THUMPD2: variants seen among roughly 807,000 people sequenced by gnomAD.
THUMPD2 encodes THUMP domain 2 tRNA and snRNA guanosine methyltransferase.
Under a neutral mutation model 49.4 loss-of-function variants are expected in THUMPD2, and 56 were observed. The observed-to-expected ratio is 1.13, with a 90% CI of 0.91 to 1.41. THUMPD2 has a LOEUF of 1.41. THUMPD2 is among the 40% of genes most tolerant of loss of function. The pLI, the probability that THUMPD2 is intolerant of heterozygous loss-of-function variation, is 0.00. For missense variants in THUMPD2, 709 were observed against 594.5 expected (o/e 1.19, Z -2.00); for synonymous variants, 237 against 205.2 (o/e 1.15, Z -1.32).
In THUMPD2 at chr2:39,768,443, A is replaced by T; in HGVS notation, c.731T>A (p.Leu244Ter). The T allele has an allele frequency of 2.5e-6, 4 of 1,612,788 alleles. No individual in the cohort carries two copies. The highest frequency in any genetic ancestry group is 3.4e-6 in the Non-Finnish European group (4 of 1,179,458). ...CATTACCTCTAATTGTGGATTCCTCAAGTCTGCTTTCCATCCAAAGTGTTT... is the reference window on the plus strand; with the variant it reads ...CATTACCTCTAATTGTGGATTCCTCTAGTCTGCTTTCCATCCAAAGTGTTT... ...IMKHFGWKAD[L>*]RNPQLEIFIH... is the part of the protein sequence containing the mutation. The change falls in exon 4 of 10, where the codon TTG (leucine) becomes TAG (stop). Residue 244 changes from leucine (L) to a stop codon, truncating the protein, a stop_gained. Coordinates refer to ENST00000505747, the MANE Select transcript of THUMPD2 (RefSeq NM_025264.5). LOFTEE classifies it high-confidence loss of function.
rs560571663 is a variant in THUMPD2 at position 39,736,469 on chromosome 2, C to T, written c.*266G>A. On this transcript the variant is annotated 3_prime_UTR_variant, in exon 10 of 10. Coordinates refer to ENST00000505747, the MANE Select transcript of THUMPD2 (RefSeq NM_025264.5). ...TGAAATTGAAGTTTTTGCTCAGAAA[C>T]TGGGCAGAACTTTTCACATTCTGAC... 5 of 308,856 alleles carry T rather than the reference C, an allele frequency of 1.6e-5. No homozygotes were observed. The highest frequency in any genetic ancestry group is 5.9e-6 in the Non-Finnish European group (1 of 169,398). The allele number at this position is 308,856 out of a possible 1,614,324, so 19.1% of individuals were successfully genotyped here. A position where few individuals can be genotyped will look rare whatever the true frequency, so the allele number is the denominator to read the frequency against.
chr2:39,766,360 A>G (rs1350841495), intron 4 of THUMPD2: 1 of 296,270 alleles, frequency 3.4e-6, no homozygotes, highest in Non-Finnish European at 6.2e-6. Context: ...TGTTACAAAG[A>G]ACTCAAAACC....
At position 39,759,841 on chromosome 2, in the gene THUMPD2, T is replaced by C. The variant is rs6742072; in HGVS notation, c.891+1490A>G. On this transcript the variant is annotated intron_variant, in intron 6 of 9. Coordinates refer to ENST00000505747, the MANE Select transcript of THUMPD2 (RefSeq NM_025264.5). ...GATACCCAGGATAACAGGAAGAAAT[T>C]TGAAGATACAAAGAATTCAGACAGT... 4.3e-3 allele frequency among the ~76,000 whole-genome samples: 653 copies of C among 152,234 alleles called. 5 individuals carry two copies. The highest frequency in any genetic ancestry group is 0.014 in the African/African-American group (599 of 41,542).
rs771851581 is a variant in THUMPD2, at chr2:39,736,751, T to A, written c.1496A>T (p.His499Leu). 1.1e-5 allele frequency: 18 copies of A among 1,613,614 alleles called. No homozygotes were observed. In the African/African-American group the frequency reaches 1.7e-4, roughly 16 times the overall value. The change falls in exon 10 of 10, where the codon CAC becomes CTC. Residue 499 changes from histidine to leucine, a missense_variant. His to Leu is a moderately conservative substitution (Grantham distance 99). Coordinates refer to ENST00000505747, the MANE Select transcript of THUMPD2 (RefSeq NM_025264.5). ...GCAAGCCTGCTACAGTCCAGAAGAG[T>A]GCGACTTCTTATATTTACATATGAA... is the stretch of plus-strand genomic sequence containing the variant. ...DAFICKYKKSHSSGL is the reference protein window; with the variant it reads ...DAFICKYKKSLSSGL
intron 1 of THUMPD2, among the ~76,000 whole-genome samples, chr2:39,772,953 G>C (rs957032123): frequency 6.6e-6 from 1 of 152,152 alleles, no homozygotes; most frequent in Admixed American, 6.5e-5. Flanking sequence ...GGAAGTGCTA[G>C]ATTGGCACAG....
intron 9 of THUMPD2, among the ~76,000 whole-genome samples, chr2:39,738,642 C>T (rs202182727): frequency 3.4e-5 from 5 of 146,536 alleles, no homozygotes; most frequent in African/African-American, 5.0e-5. Flanking sequence ...CATATAAATA[C>T]ATAATTTATA....
chr2:39,753,223 T>G (rs1336648287), intron 8 of THUMPD2, among the ~76,000 whole-genome samples: 1 of 152,102 alleles, frequency 6.6e-6, no homozygotes, highest in African/African-American at 2.4e-5. Context: ...TCAAGTTACC[T>G]CCTCCCATTC....
At chr2:39,738,609 ATAT>A (rs2148151180) in intron 9 of THUMPD2, among the ~76,000 whole-genome samples, 1 of 138,052 alleles carries the variant, frequency 7.2e-6, no homozygotes, top group South Asian at 2.2e-4. Flanking sequence ...AAAAATATAT[ATAT>A]AATATATATT....
chr2:39,766,765 C>T (rs542515041), intron 4 of THUMPD2, among the ~76,000 whole-genome samples: 2 of 152,222 alleles, frequency 1.3e-5, no homozygotes, highest in African/African-American at 4.8e-5. Context: ...CCCTGATACT[C>T]GCACCCCAAG....
chr2:39,773,997 G>A (rs557266330), intron 1 of THUMPD2, among the ~76,000 whole-genome samples: 2 of 152,356 alleles, frequency 1.3e-5, no homozygotes, highest in Admixed American at 6.5e-5. Context: ...CTGTCTGGGT[G>A]AACCATGTCT....
intron 4 of THUMPD2, among the ~76,000 whole-genome samples, chr2:39,767,345 C>T (rs535712759): frequency 6.6e-6 from 1 of 152,014 alleles, no homozygotes; most frequent in Admixed American, 6.6e-5. Context: ...TGGCTCACGC[C>T]TGTAATCCCA....
intron 9 of THUMPD2, among the ~76,000 whole-genome samples, chr2:39,737,909 G>A (rs952933728): frequency 1.3e-5 from 2 of 152,140 alleles, no homozygotes; most frequent in African/African-American, 2.4e-5. Context: ...CACAGCGGGT[G>A]GGAAGTGGAG....
intron 5 of THUMPD2, among the ~76,000 whole-genome samples, chr2:39,763,119 T>C (rs1379786915): frequency 6.6e-6 from 1 of 151,976 alleles, no homozygotes; most frequent in Admixed American, 6.6e-5. Context: ...CTAGCTAATG[T>C]ACACGGTTCA....
chr2:39,769,633 T>G, intron 3 of THUMPD2, 77 bp downstream of exon 3: 1 of 1,381,220 alleles, frequency 7.2e-7, no homozygotes, highest in Non-Finnish European at 9.5e-7. Flanking sequence ...ACCTGGGAGG[T>G]GGAGGTTGCA....
intron 8 of THUMPD2, among the ~76,000 whole-genome samples, chr2:39,750,318 G>C (rs1252171998): frequency 6.6e-6 from 1 of 152,196 alleles, no homozygotes. Flanking sequence ...GTTTCCCATT[G>C]TGGTTTTGAT....
At chr2:39,751,380 C>G (rs1376215323) in intron 8 of THUMPD2, among the ~76,000 whole-genome samples, 1 of 152,194 alleles carries the variant, frequency 6.6e-6, no homozygotes, top group Non-Finnish European at 1.5e-5. Flanking sequence ...TTGTTATAAA[C>G]CTACACTTAA....
intron 3 of THUMPD2, 195 bp from the exon 4 acceptor site, chr2:39,768,696 C>A: frequency 4.5e-6 from 3 of 667,908 alleles, no homozygotes; most frequent in Non-Finnish European, 7.5e-6. Flanking sequence ...CCTGCCCTAG[C>A]CCCCAGTACA....
chr2:39,756,317 G>A (rs1418050750), intron 6 of THUMPD2, among the ~76,000 whole-genome samples: 2 of 152,024 alleles, frequency 1.3e-5, no homozygotes, highest in Non-Finnish European at 2.9e-5. Flanking sequence ...GACTTGGTGA[G>A]GAGAACATGC....
At chr2:39,778,123 T>C (rs963711170) in intron 1 of THUMPD2, among the ~76,000 whole-genome samples, 25 of 152,350 alleles carry the variant, frequency 1.6e-4, no homozygotes, top group African/African-American at 6.0e-4. Context: ...ATCTGTTAAA[T>C]GTGGAACACC....
Sources: allele counts gnomAD v4.1 joint callset (sites outside exome capture counted in the v4.1 genomes callset), GRCh38; gene constraint gnomAD v4.1.1; transcripts MANE v1.5; gene names NCBI Gene and HGNC (gene_info 2026-07-23, HGNC 2026-07-21).